Variants in TRPC6 observed in about 807,000 individuals in gnomAD.
TRPC6 encodes short transient receptor potential channel 6.
In TRPC6, 55 loss-of-function variants were observed where a neutral mutation model predicts 90.7. The observed-to-expected ratio is 0.61, with a 90% CI of 0.49 to 0.76. The LOEUF (loss-of-function observed/expected upper bound fraction) is 0.76, where lower values mean the gene tolerates loss of function less well. Ranked by LOEUF, TRPC6 falls within the 30% of genes least tolerant of loss-of-function variation. TRPC6 has a pLI of 0.00. For synonymous variants in TRPC6, 393 were observed against 393.0 expected (o/e 1.00, Z 0.00); for missense variants, 989 against 1,122.7 (o/e 0.88, Z 1.70).
chr11:101,471,394 A>G lies in TRPC6; in HGVS notation c.2206-8T>C, dbSNP rs369740321. ...CTCCACATCAGCGTCATCCTATACAAATACACATGACAGTTCAGCAAGGAA... is the reference window on the plus strand; with the variant it reads ...CTCCACATCAGCGTCATCCTATACAGATACACATGACAGTTCAGCAAGGAA... On this transcript the variant is annotated splice_polypyrimidine_tract_variant and splice_region_variant and intron_variant, in intron 8 of 12. Transcript: ENST00000344327. 2.3e-5 allele frequency: 37 copies of G among 1,613,450 alleles called. No homozygotes were observed. In the African/African-American group the frequency reaches 4.3e-4, roughly 19 times the overall value.
chr11:101,509,915 G>A (rs1295772927), intron 1 of TRPC6, among the ~76,000 whole-genome samples: 1 of 152,100 alleles, frequency 6.6e-6, no homozygotes, highest in African/African-American at 2.4e-5. Flanking sequence ...AAGTCAGAAT[G>A]TATCTGATAC....
chr11:101,581,651 TA>T (rs1327687164), intron 1 of TRPC6, among the ~76,000 whole-genome samples: 1 of 152,230 alleles, frequency 6.6e-6, no homozygotes, highest in African/African-American at 2.4e-5. Flanking sequence ...ATCTATGTCT[TA>T]AACTTACACC....
intron 1 of TRPC6, among the ~76,000 whole-genome samples, chr11:101,577,449 G>C (rs1862093969): frequency 6.6e-6 from 1 of 152,250 alleles, no homozygotes; most frequent in African/African-American, 2.4e-5. Context: ...GTCAGTGGTG[G>C]TATCTTTGCT....
chr11:101,463,478 A>G (rs1476061622), intron 10 of TRPC6, among the ~76,000 whole-genome samples: 3 of 152,162 alleles, frequency 2.0e-5, no homozygotes, highest in African/African-American at 7.2e-5. Flanking sequence ...TACTGCCTCA[A>G]TTCCAGAACT....
chr11:101,564,606 C>T (rs999139385), intron 1 of TRPC6, among the ~76,000 whole-genome samples: 4 of 152,056 alleles, frequency 2.6e-5, no homozygotes, highest in Non-Finnish European at 5.9e-5. Flanking sequence ...ATTCCATGCT[C>T]ATGGATTGGA....
chr11:101,532,142 A>G (rs558929027), intron 1 of TRPC6, among the ~76,000 whole-genome samples: 5 of 152,326 alleles, frequency 3.3e-5, no homozygotes, highest in Admixed American at 3.3e-4. Context: ...AAGTAACTCA[A>G]TCTTCAGAGT....
intron 1 of TRPC6, among the ~76,000 whole-genome samples, chr11:101,580,138 T>C (rs1862162864): frequency 6.6e-6 from 1 of 152,172 alleles, no homozygotes; most frequent in Non-Finnish European, 1.5e-5. Context: ...TCATTATTCA[T>C]AATCAATCAA....
chr11:101,577,098 G>A (rs550294512), intron 1 of TRPC6, among the ~76,000 whole-genome samples: 6 of 152,248 alleles, frequency 3.9e-5, no homozygotes, highest in African/African-American at 9.6e-5. Context: ...AGCCAGATTT[G>A]AAGGTGGTTT....
intron 1 of TRPC6, among the ~76,000 whole-genome samples, chr11:101,575,004 C>T (rs1188434745): frequency 2.0e-5 from 3 of 152,102 alleles, no homozygotes; most frequent in African/African-American, 7.2e-5. Flanking sequence ...ATGAACTCTG[C>T]TTTGAATAGG....
chr11:101,493,605 A>G (rs1859878623), intron 2 of TRPC6, among the ~76,000 whole-genome samples: 1 of 152,110 alleles, frequency 6.6e-6, no homozygotes, highest in Non-Finnish European at 1.5e-5. Context: ...GAAACAACTG[A>G]GGGGGCAAGC....
intron 2 of TRPC6, among the ~76,000 whole-genome samples, chr11:101,499,434 T>TGA: frequency 6.6e-6 from 1 of 151,564 alleles, no homozygotes; most frequent in East Asian, 1.9e-4. Flanking sequence ...TCTAGAAATA[T>TGA]TTATTCCTAC....
chr11:101,523,319 G>T (rs1326925501), intron 1 of TRPC6, among the ~76,000 whole-genome samples: 1 of 152,106 alleles, frequency 6.6e-6, no homozygotes, highest in Non-Finnish European at 1.5e-5. Flanking sequence ...ATTTAACAGA[G>T]TTTTTTCTTT....
chr11:101,461,392 G>A (rs919643638), intron 10 of TRPC6, among the ~76,000 whole-genome samples: 3 of 152,068 alleles, frequency 2.0e-5, no homozygotes, highest in Admixed American at 6.5e-5. Context: ...GCAACATGGC[G>A]AAACCCCATC....
At chr11:101,568,660 A>T (rs530773788) in intron 1 of TRPC6, among the ~76,000 whole-genome samples, 2 of 152,324 alleles carry the variant, frequency 1.3e-5, no homozygotes, top group South Asian at 4.1e-4. Flanking sequence ...ACTAACAGCG[A>T]ATCTCTTGGC....
At chr11:101,491,302 T>G (rs1021688568) in intron 3 of TRPC6, 1 of 359,082 alleles carries the variant, frequency 2.8e-6, no homozygotes, top group Non-Finnish European at 5.3e-6. Flanking sequence ...GGCGTGGTGG[T>G]GGGCGCCTGT....
chr11:101,468,016 C>G lies in TRPC6; in HGVS notation c.2484+1411G>C, dbSNP rs193008126. The stretch of plus-strand genomic sequence containing the variant: ...GATAGGCAAGCCAAACAAAACTTGT[C>G]TGAACAGCAAGAATGTGCCAATTTG... On this transcript the variant is annotated intron_variant, in intron 10 of 12. Transcript: ENST00000344327. 3.5e-3 allele frequency among the ~76,000 whole-genome samples: 534 copies of G among 152,308 alleles called. 3 individuals carry two copies. Among genetic ancestry groups the G allele is most frequent in the African/African-American group, 0.012 (506 of 41,566 alleles).
At chr11:101,572,264 GA>G (rs143869544) in intron 1 of TRPC6, among the ~76,000 whole-genome samples, 57,604 of 151,156 alleles carry the variant, frequency 0.38, 11,606 homozygotes, top group Non-Finnish European at 0.46. Flanking sequence ...ACAAACATAT[GA>G]AAAAAAAACT....
At position 101,489,249 on chromosome 11, in the gene TRPC6, C is replaced by T. The variant is rs970178140; in HGVS notation, c.1129-148G>A. ...CATAAAACATCAAATTAACAGGCAA[C>T]AAACAAATGGCAAAAAGTTCTAATA... On this transcript the variant is annotated intron_variant, in intron 3 of 12. Coordinates refer to ENST00000344327, the MANE Select transcript of TRPC6 (RefSeq NM_004621.6). The T allele has an allele frequency of 5.3e-6, 4 of 752,948 alleles. No individual in the cohort carries two copies. The African/African-American group carries it at 7.0e-5, about 13-fold the overall frequency. 46.6% of individuals were successfully genotyped at this position (752,948 alleles called of 1,614,324 possible). A position where few individuals can be genotyped will look rare whatever the true frequency, so the allele number is the denominator to read the frequency against.
rs1271832570 is a variant in TRPC6 at position 101,559,870 on chromosome 11, G to A, written c.170+23464C>T. 4.0e-5 allele frequency among the ~76,000 whole-genome samples: 6 copies of A among 149,028 alleles called. No homozygotes were observed. The East Asian group carries it at 8.0e-4, about 20-fold the overall frequency. Reference sequence around the variant, plus strand: ...TCATTGTTCAATTCCCACCTATGAGGGAGAACATGTGGTGTTTGGTTTTTT... The same window carrying A: ...TCATTGTTCAATTCCCACCTATGAGAGAGAACATGTGGTGTTTGGTTTTTT... On this transcript the variant is annotated intron_variant, in intron 1 of 12. Coordinates refer to ENST00000344327, the MANE Select transcript of TRPC6 (RefSeq NM_004621.6).
Sources: gnomAD v4.1 joint callset for allele counts (sites outside exome capture counted in the v4.1 genomes callset) on GRCh38, gnomAD v4.1.1 for gene constraint, MANE v1.5 for transcripts, NCBI Gene and HGNC (gene_info 2026-07-23, HGNC 2026-07-21) for gene names.